Variants in PLAAT1 observed in about 807,000 individuals in gnomAD.
The protein encoded by PLAAT1 is H-REV107 protein-related protein.
Under a neutral mutation model 16.4 loss-of-function variants are expected in PLAAT1, and 13 were observed. The observed-to-expected ratio is 0.79, with a 90% CI of 0.52 to 1.26. The LOEUF (loss-of-function observed/expected upper bound fraction) is 1.26. Ranked by LOEUF, PLAAT1 falls within the 50% of genes most tolerant of loss-of-function variation. The pLI is 0.00. For missense variants in PLAAT1, 218 were observed against 207.8 expected (o/e 1.05, Z -0.30); for synonymous variants, 73 against 78.4 (o/e 0.93, Z 0.36).
chr3:193,259,406 G>A (rs1420256027), intron 2 of PLAAT1, among the ~76,000 whole-genome samples: 2 of 152,058 alleles, frequency 1.3e-5, no homozygotes, highest in African/African-American at 4.8e-5. Context: ...GAAATAAAAG[G>A]CATCCAAATA....
intron 2 of PLAAT1, among the ~76,000 whole-genome samples, chr3:193,277,103 G>A (rs75246018): frequency 0.031 from 4,788 of 152,234 alleles, 119 homozygotes; most frequent in Non-Finnish European, 0.048. Context: ...TCACAAATAC[G>A]AGACAGGACA....
downstream of PLAAT1, chr3:193,274,979 C>G: frequency 6.3e-7 from 1 of 1,589,178 alleles, no homozygotes; most frequent in Non-Finnish European, 8.6e-7. Flanking sequence ...CATCACTTCT[C>G]CACAATGTGT....
At chr3:193,276,722 C>T (rs754285666) in intron 2 of PLAAT1, 1 of 1,501,038 alleles carries the variant, frequency 6.7e-7, no homozygotes, top group Non-Finnish European at 9.2e-7. Context: ...TGTTTATCTT[C>T]CTAGAAAAAA....
intron 3 of PLAAT1, among the ~76,000 whole-genome samples, chr3:193,267,173 C>A (rs1716809819): frequency 6.6e-6 from 1 of 152,118 alleles, no homozygotes; most frequent in Non-Finnish European, 1.5e-5. Flanking sequence ...CATTACCATA[C>A]CATTGTGAAA....
downstream of PLAAT1, chr3:193,281,180 ATTTAC>A: frequency 4.1e-6 from 4 of 985,322 alleles, no homozygotes; most frequent in Non-Finnish European, 4.8e-6. Context: ...TGGATTTTTC[ATTTAC>A]TTCATGGATT....
At chr3:193,258,541 G>T (rs977498144) in intron 2 of PLAAT1, among the ~76,000 whole-genome samples, 1 of 151,966 alleles carries the variant, frequency 6.6e-6, no homozygotes, top group Non-Finnish European at 1.5e-5. Context: ...ATCCAAAGAA[G>T]TACAATCGGA....
chr3:193,249,912 A>G (rs115746779), intron 1 of PLAAT1, among the ~76,000 whole-genome samples: 2 of 152,142 alleles, frequency 1.3e-5, no homozygotes, highest in African/African-American at 4.8e-5. Flanking sequence ...TCCCTACCTC[A>G]ATAAAAATTG....
intron 1 of PLAAT1, among the ~76,000 whole-genome samples, chr3:193,246,365 A>C (rs1715983872): frequency 2.3e-5 from 1 of 42,788 alleles, no homozygotes. Flanking sequence ...TTATTAATGT[A>C]TTTATTTATT....
intron 2 of PLAAT1, among the ~76,000 whole-genome samples, chr3:193,256,273 A>G (rs1277138669): frequency 2.0e-5 from 3 of 152,198 alleles, no homozygotes; most frequent in Non-Finnish European, 4.4e-5. Context: ...TAAGTGATAC[A>G]GAAAAAATAA....
intron 3 of PLAAT1, among the ~76,000 whole-genome samples, chr3:193,264,432 G>A (rs577317696): frequency 1.3e-5 from 2 of 152,008 alleles, no homozygotes; most frequent in African/African-American, 4.8e-5. Context: ...TTGGCCATTC[G>A]TATATCACCT....
At chr3:193,272,653 G>C (rs1399588462), downstream of PLAAT1, among the ~76,000 whole-genome samples, 2 of 152,158 alleles carry the variant, frequency 1.3e-5, no homozygotes, top group African/African-American at 4.8e-5. Flanking sequence ...AACCTCCTAA[G>C]AGCCTCAAGT....
chr3:193,260,705 G>A (rs962676577), intron 2 of PLAAT1, among the ~76,000 whole-genome samples: 3 of 151,974 alleles, frequency 2.0e-5, no homozygotes, highest in Admixed American at 6.6e-5. Flanking sequence ...AACAGATGCT[G>A]GTGATGTTGC....
Position 193,263,188 on chromosome 3 carries a change from G to C in PLAAT1, c.358G>C (p.Glu120Gln), listed in dbSNP as rs1716652904. 1.9e-6 allele frequency: 3 copies of C among 1,614,218 alleles called. No homozygotes were observed. The highest frequency in any genetic ancestry group is 2.5e-6 in the Non-Finnish European group (3 of 1,180,022). ...CTATAACTTACTTGTCAACAACTGT[G>C]AACATTTTGTGACATTGCTTCGCTA... ...VAYNLLVNNC[E>Q]HFVTLLRYGE... The change falls in exon 3 of 4, where the codon GAA (glutamate) becomes CAA (glutamine). Residue 120 changes from glutamate to glutamine, a missense_variant. By Grantham distance (29) the Glu-to-Gln change is conservative (BLOSUM62 2). Transcript: ENST00000264735.
chr3:193,262,304 G>A (rs1169873644), intron 2 of PLAAT1, among the ~76,000 whole-genome samples: 3 of 151,198 alleles, frequency 2.0e-5, no homozygotes, highest in African/African-American at 4.9e-5. Context: ...GGTAGACAGT[G>A]CCTACCAAGT....
intron 2 of PLAAT1, among the ~76,000 whole-genome samples, chr3:193,256,454 G>A (rs1716376997): frequency 1.3e-5 from 2 of 152,088 alleles, no homozygotes; most frequent in Non-Finnish European, 2.9e-5. Flanking sequence ...AGGTCAAGGG[G>A]ACAGCAGACA....
downstream of PLAAT1, among the ~76,000 whole-genome samples, chr3:193,280,824 G>A (rs113391322): frequency 2.7e-4 from 41 of 152,246 alleles, no homozygotes; most frequent in African/African-American, 9.1e-4. Flanking sequence ...TTATAAATAA[G>A]TGAACAAACT....
intron 3 of PLAAT1, among the ~76,000 whole-genome samples, chr3:193,267,910 C>A (rs920129005): frequency 2.6e-5 from 4 of 152,166 alleles, no homozygotes; most frequent in African/African-American, 9.7e-5. Flanking sequence ...TTTTAATAGG[C>A]ATCTTGTTTC....
At chr3:193,267,677 G>A (rs1716828201) in intron 3 of PLAAT1, among the ~76,000 whole-genome samples, 1 of 152,144 alleles carries the variant, frequency 6.6e-6, no homozygotes. Context: ...AAACCTCCAT[G>A]TGCAGGTTTT....
downstream of PLAAT1, chr3:193,279,372 T>A (rs1381097037): frequency 1.2e-6 from 2 of 1,613,030 alleles, no homozygotes; most frequent in Non-Finnish European, 1.7e-6. Context: ...TTACCTCCAT[T>A]CCACGGTATA....
Sources: gnomAD v4.1 joint callset for allele counts (sites outside exome capture counted in the v4.1 genomes callset) on GRCh38, gnomAD v4.1.1 for gene constraint, MANE v1.5 for transcripts, NCBI Gene and HGNC (gene_info 2026-07-23, HGNC 2026-07-21) for gene names.